Variants in PDPN observed in about 807,000 individuals in gnomAD.
PDPN encodes the protein PA2.26 antigen.
PDPN carries 12 observed loss-of-function variants against 23.2 expected under a neutral mutation model. The observed-to-expected ratio is 0.52, with a 90% CI of 0.33 to 0.84. The LOEUF (loss-of-function observed/expected upper bound fraction) is 0.84. Ranked by LOEUF, PDPN falls within the 40% of genes least tolerant of loss-of-function variation. The pLI is 0.02. For missense variants in PDPN, 199 were observed against 212.2 expected, an observed-to-expected ratio of 0.94 and a Z score of 0.39; for synonymous variants, 77 against 76.7, an observed-to-expected ratio of 1.00 and a Z score of -0.02.
chr1:13,607,657 C>T (rs529123585), intron 2 of PDPN, among the ~76,000 whole-genome samples: 37 of 152,254 alleles, frequency 2.4e-4, no homozygotes, highest in African/African-American at 8.9e-4. Flanking sequence ...AGCTGGTGTG[C>T]TGATCACAGG....
At chr1:13,599,730 A>G (rs1477500568) in intron 1 of PDPN, among the ~76,000 whole-genome samples, 1 of 152,142 alleles carries the variant, frequency 6.6e-6, no homozygotes, top group Non-Finnish European at 1.5e-5. Flanking sequence ...CTAGTCCTTA[A>G]GAGTGGAGAT....
Position 13,585,315 on chromosome 1 carries a change from A to C in PDPN, c.67+1215A>C, listed in dbSNP as rs1189583189. The C allele has an allele frequency of 1.8e-5, 5 of 277,368 alleles. No individual in the cohort carries two copies. The South Asian group carries it at 2.2e-4, about 12-fold the overall frequency. 17.2% of individuals were successfully genotyped at this position (277,368 alleles called of 1,614,324 possible). ...AAATACCCAATCTCAGGGAAATGAC[A>C]GAGTTCTGCTCTATGCTGTGCTGTC... On this transcript the variant is annotated intron_variant, in intron 1 of 5. Transcript: ENST00000621990.
intron 3 of PDPN, 24 bp from the exon 4 acceptor site, chr1:13,613,663 A>G (rs575265079): frequency 1.7e-6 from 2 of 1,169,380 alleles, no homozygotes; most frequent in South Asian, 1.3e-5. Context: ...ATAATTCTAC[A>G]TTATTATATC....
At chr1:13,598,057 C>A (rs1570029760) in intron 1 of PDPN, among the ~76,000 whole-genome samples, 5 of 151,976 alleles carry the variant, frequency 3.3e-5, no homozygotes, top group Admixed American at 3.3e-4. Context: ...CACTCTGTTA[C>A]TCAGGCTGGA....
chr1:13,598,710 TC>T (rs1334230752), intron 1 of PDPN, among the ~76,000 whole-genome samples: 1 of 152,024 alleles, frequency 6.6e-6, no homozygotes, highest in Non-Finnish European at 1.5e-5. Flanking sequence ...ACACTGACCA[TC>T]CTCCCTCCCG....
chr1:13,586,140 GT>G (rs1640172872), intron 1 of PDPN, among the ~76,000 whole-genome samples: 1 of 152,118 alleles, frequency 6.6e-6, no homozygotes, highest in South Asian at 2.1e-4. Context: ...AGTTTATTTT[GT>G]GAGATTCTGC....
chr1:13,587,488 G>T (rs1276783245), intron 1 of PDPN, among the ~76,000 whole-genome samples: 1 of 152,160 alleles, frequency 6.6e-6, no homozygotes, highest in Non-Finnish European at 1.5e-5. Context: ...GGAGGAGGAG[G>T]AGGGAGAGAG....
At chr1:13,606,744 T>A (rs1640798764) in intron 1 of PDPN, among the ~76,000 whole-genome samples, 1 of 152,094 alleles carries the variant, frequency 6.6e-6, no homozygotes, top group Non-Finnish European at 1.5e-5. Flanking sequence ...TTGCATCGGG[T>A]CTGCAAAGGG....
intron 5 of PDPN, 28 bp from the exon 6 acceptor site, chr1:13,615,877 C>G (rs1470433324): frequency 6.2e-7 from 1 of 1,607,420 alleles, no homozygotes; most frequent in African/African-American, 1.3e-5. Flanking sequence ...GTAAGAGACA[C>G]GACCGTCACC....
intron 1 of PDPN, chr1:13,596,078 A>C (rs967879558): frequency 3.0e-6 from 1 of 337,680 alleles, no homozygotes; most frequent in Non-Finnish European, 5.8e-6. Context: ...AGGTGCCTGT[A>C]ATCCCAGCTA....
In PDPN at chr1:13,616,052, G is replaced by C. The variant is rs1187511488; in HGVS notation, c.*141G>C. The stretch of plus-strand genomic sequence containing the variant: ...ACTCAGAATCCACGGTGACCTCTCC[G>C]CTTGCCAAAATAACCGAAGGAAAGA... On this transcript the variant is annotated 3_prime_UTR_variant, in exon 6 of 6. Coordinates refer to ENST00000621990, the MANE Select transcript of PDPN (RefSeq NM_006474.5). 9.5e-5 allele frequency: 72 copies of C among 756,218 alleles called. No individual in the cohort carries two copies. In the South Asian group the frequency reaches 1.2e-3, roughly 12 times the overall value. The allele number at this position is 756,218 out of a possible 1,614,324, so 46.8% of individuals were successfully genotyped here.
At chr1:13,614,499 T>A in intron 5 of PDPN, 88 bp downstream of exon 5, 1 of 779,640 alleles carries the variant, frequency 1.3e-6, no homozygotes. Flanking sequence ...AAATCTCTGA[T>A]ATAAGCTGGG....
chr1:13,593,185 C>T (rs943475197), intron 1 of PDPN, among the ~76,000 whole-genome samples: 5 of 152,106 alleles, frequency 3.3e-5, no homozygotes, highest in African/African-American at 1.2e-4. Context: ...ACGATAGACA[C>T]ATAGGAATGA....
chr1:13,604,675 G>A (rs1318508488), intron 1 of PDPN, among the ~76,000 whole-genome samples: 1 of 151,758 alleles, frequency 6.6e-6, no homozygotes, highest in Non-Finnish European at 1.5e-5. Context: ...GTACTAAACC[G>A]CTCCAGAAAA....
chr1:13,585,363 T>A (rs1477392612), intron 1 of PDPN: 1 of 538,074 alleles, frequency 1.9e-6, no homozygotes, highest in Non-Finnish European at 2.9e-6. Context: ...ACTGAGCAAC[T>A]CTTTTTATAG....
intron 1 of PDPN, among the ~76,000 whole-genome samples, chr1:13,606,204 G>A (rs1420559089): frequency 1.3e-5 from 2 of 151,860 alleles, no homozygotes; most frequent in Non-Finnish European, 2.9e-5. Flanking sequence ...TGGCCAGGCT[G>A]GTCTCAAATT....
chr1:13,587,672 C>T (rs1364071449), intron 1 of PDPN, among the ~76,000 whole-genome samples: 1 of 152,138 alleles, frequency 6.6e-6, no homozygotes, highest in Non-Finnish European at 1.5e-5. Context: ...CTGGACACTT[C>T]CAAGTGGACA....
chr1:13,583,807 T>C (rs755588997), upstream of PDPN: 2 of 1,543,940 alleles, frequency 1.3e-6, no homozygotes, highest in Non-Finnish European at 1.7e-6. Context: ...GAGAGATAAA[T>C]GCTGACTCCG....
chr1:13,584,273 G>A, intron 1 of PDPN, 173 bp downstream of exon 1: 1 of 1,530,320 alleles, frequency 6.5e-7, no homozygotes. Context: ...CGGCTTAGTC[G>A]GTGCCAGGTC....
Sources: gnomAD v4.1 joint callset for allele counts (sites outside exome capture counted in the v4.1 genomes callset) on GRCh38, gnomAD v4.1.1 for gene constraint, MANE v1.5 for transcripts, NCBI Gene and HGNC (gene_info 2026-07-23, HGNC 2026-07-21) for gene names.